EPG5: variants seen among roughly 807,000 people sequenced by gnomAD.
The protein encoded by EPG5 is ectopic P granules protein 5 homolog.
EPG5 carries 159 observed loss-of-function variants against 302.7 expected under a neutral mutation model. The observed-to-expected ratio is 0.53, with a 90% CI of 0.46 to 0.60. EPG5 has a LOEUF of 0.60. Among genes scored for constraint, EPG5 ranks in the 20% least tolerant of loss-of-function variants. The pLI, the probability that EPG5 is intolerant of heterozygous loss-of-function variation, is 0.00. For synonymous variants in EPG5, 1,158 were observed against 1,136.8 expected, an observed-to-expected ratio of 1.02 and a Z score of -0.37; for missense variants, 2,896 against 3,092.4, an observed-to-expected ratio of 0.94 and a Z score of 1.51.
At chr18:45,915,323 TA>T (rs759479640) in intron 20 of EPG5, among the ~76,000 whole-genome samples, 187 bp downstream of exon 20, 126 of 152,122 alleles carry the variant, frequency 8.3e-4, no homozygotes, top group Non-Finnish European at 1.4e-3. Context: ...AACTCCTCTG[TA>T]AAACAGGAAT....
chr18:45,946,946 G>C (rs1360167663), intron 6 of EPG5, among the ~76,000 whole-genome samples, 178 bp from the exon 7 acceptor site: 1 of 152,214 alleles, frequency 6.6e-6, no homozygotes, highest in Non-Finnish European at 1.5e-5. Flanking sequence ...TTTTGGTGGA[G>C]AATGCAACCA....
chr18:45,818,732 CT>C, the EPG5 span, among the ~76,000 whole-genome samples: 361 of 111,386 alleles, frequency 3.2e-3, 2 homozygotes, highest in African/African-American at 0.011. Flanking sequence ...TTTTGCATAA[CT>C]TTTTTTTTTT....
chr18:45,850,692 A>G lies in EPG5; in HGVS notation c.*1775T>C, dbSNP rs1261915210. 1 of 152,652 alleles carries G rather than the reference A, an allele frequency of 6.6e-6. No homozygotes were observed. The highest frequency in any genetic ancestry group is 1.5e-5 in the Non-Finnish European group (1 of 68,040). 9.5% of individuals were successfully genotyped at this position (152,652 alleles called of 1,614,324 possible). On this transcript the variant is annotated 3_prime_UTR_variant, in exon 44 of 44. Coordinates refer to ENST00000282041, the MANE Select transcript of EPG5 (RefSeq NM_020964.3). The stretch of plus-strand genomic sequence containing the variant: ...TTATTTTTTATAATTTTTACAGACC[A>G]AAAAACATTATACAGATTAATCATA...
intron 25 of EPG5, 91 bp downstream of exon 25, chr18:45,903,882 G>A: frequency 7.7e-7 from 1 of 1,304,208 alleles, no homozygotes; most frequent in South Asian, 1.6e-5. Context: ...ATGAACACTG[G>A]GGGAATAAAG....
chr18:45,844,923 T>C (rs138836028), downstream of EPG5, among the ~76,000 whole-genome samples: 117 of 152,382 alleles, frequency 7.7e-4, no homozygotes, highest in African/African-American at 2.7e-3. Context: ...ATAGGAATTA[T>C]TTCTTAAGTA....
At chr18:45,803,561 CAG>C in the EPG5 span, among the ~76,000 whole-genome samples, 3 of 152,170 alleles carry the variant, frequency 2.0e-5, no homozygotes, top group South Asian at 2.1e-4. Flanking sequence ...AACTGGCAGA[CAG>C]AGTTTGAGGG....
chr18:45,838,506 T>C, the EPG5 span: 3 of 679,324 alleles, frequency 4.4e-6, no homozygotes, highest in Non-Finnish European at 4.6e-6. Context: ...TTAAGGCAAC[T>C]GCTATCATGA....
intron 26 of EPG5, among the ~76,000 whole-genome samples, 199 bp from the exon 27 acceptor site, chr18:45,899,765 T>C (rs1246080724): frequency 6.6e-6 from 1 of 151,938 alleles, no homozygotes; most frequent in East Asian, 1.9e-4. Context: ...AGCTAAGAAA[T>C]GAAAGAAAAG....
intron 28 of EPG5, among the ~76,000 whole-genome samples, chr18:45,888,321 T>A (rs1002203486): frequency 6.6e-5 from 10 of 151,722 alleles, no homozygotes; most frequent in African/African-American, 1.5e-4. Flanking sequence ...TTATTTATTT[T>A]TTGACGGAGT....
At chr18:45,912,772 C>A (rs562515114) in intron 21 of EPG5, among the ~76,000 whole-genome samples, 1 of 152,166 alleles carries the variant, frequency 6.6e-6, no homozygotes, top group African/African-American at 2.4e-5. Context: ...CGTTATAGTG[C>A]AAGGGAATAG....
intron 26 of EPG5, 41 bp from the exon 27 acceptor site, chr18:45,899,607 AG>A: frequency 6.8e-6 from 11 of 1,608,856 alleles, no homozygotes; most frequent in Non-Finnish European, 8.5e-6. Context: ...GTCTTAGGAA[AG>A]GTTATATGAT....
At chr18:45,966,143 C>T (rs1351155652) in intron 1 of EPG5, among the ~76,000 whole-genome samples, 1 of 151,464 alleles carries the variant, frequency 6.6e-6, no homozygotes, top group Non-Finnish European at 1.5e-5. Flanking sequence ...GAGGCCGAGG[C>T]GGGCGGATCA....
intron 7 of EPG5, 41 bp downstream of exon 7, chr18:45,946,622 T>A: frequency 2.1e-6 from 3 of 1,455,586 alleles, no homozygotes; most frequent in Non-Finnish European, 2.9e-6. Context: ...TAAGAAGAGT[T>A]CACAATGATT....
chr18:45,934,062 G>A (rs1203354583), intron 11 of EPG5, among the ~76,000 whole-genome samples: 1 of 152,154 alleles, frequency 6.6e-6, no homozygotes, highest in African/African-American at 2.4e-5. Context: ...GCCGAAGCAG[G>A]CAGATCACCT....
In EPG5 at chr18:45,928,878, C is replaced by T. The variant is rs2050335296; in HGVS notation, c.2544G>A (p.Gln848=). 6.2e-7 allele frequency: 1 copy of T among 1,612,352 alleles called. No individual in the cohort carries two copies. Reference sequence around the variant, plus strand: ...AAATCAGTGCTCTTACCATTCCAACCTGGTCAATGGTCTCTTGAACTCTAT... The same window carrying T: ...AAATCAGTGCTCTTACCATTCCAACTTGGTCAATGGTCTCTTGAACTCTAT... ...LLDRVQETID[Q]VGMVSLYLFK... Residue 848 remains glutamine (Q), a synonymous_variant, in exon 13 of 44, where the codon CAG becomes CAA. Coordinates refer to ENST00000282041, the MANE Select transcript of EPG5 (RefSeq NM_020964.3).
intron 22 of EPG5, 102 bp downstream of exon 22, chr18:45,912,188 G>C (rs2145681852): frequency 9.0e-7 from 1 of 1,107,782 alleles, no homozygotes; most frequent in East Asian, 2.7e-5. Context: ...GATCACCAAA[G>C]AATGATTCCA....
At chr18:45,818,732 C>CTTTTTTTTTTTTTT in the EPG5 span, among the ~76,000 whole-genome samples, 1 of 111,428 alleles carries the variant, frequency 9.0e-6, no homozygotes, top group Non-Finnish European at 1.7e-5. Context: ...TTTTGCATAA[C>CTTTTTTTTTTTTTT]TTTTTTTTTT....
At chr18:45,852,969 C>A (rs1377363657) in intron 43 of EPG5, among the ~76,000 whole-genome samples, 1 of 152,204 alleles carries the variant, frequency 6.6e-6, no homozygotes, top group Non-Finnish European at 1.5e-5. Flanking sequence ...GGGCGCCTCA[C>A]CTGCCACACC....
In EPG5 at chr18:45,865,589, T is replaced by C. The variant is rs200871462; in HGVS notation, c.6766+26A>G. 251 of 1,612,642 alleles carry C rather than the reference T, an allele frequency of 1.6e-4. No homozygotes were observed. The African/African-American group carries it at 2.9e-3, about 19-fold the overall frequency. ...AGCAGGAATGCATTGACTGAATGAA[T>C]ACAGGACTTCCGACTGGTCACTTAC... is the stretch of plus-strand genomic sequence containing the variant. On this transcript the variant is annotated intron_variant, in intron 39 of 43. Transcript: ENST00000282041.
Sources: gnomAD v4.1 joint callset for allele counts (sites outside exome capture counted in the v4.1 genomes callset) on GRCh38, gnomAD v4.1.1 for gene constraint, MANE v1.5 for transcripts, NCBI Gene and HGNC (gene_info 2026-07-23, HGNC 2026-07-21) for gene names.